Variants in DIPK1C observed in about 807,000 individuals in gnomAD.
DIPK1C encodes the protein familial non-conventional Alzheimer's dementia.
In DIPK1C, 33 loss-of-function variants were observed where a neutral mutation model predicts 28.0. The observed-to-expected ratio is 1.18, with a 90% CI of 0.89 to 1.58. The LOEUF is 1.58. DIPK1C is among the 40% of genes most tolerant of loss of function. DIPK1C has a pLI of 0.00. For missense variants in DIPK1C, 569 were observed against 568.5 expected (o/e 1.00, Z -0.01); for synonymous variants, 255 against 248.8 (o/e 1.02, Z -0.23).
rs1245710740 is a variant in DIPK1C, at chr18:74,442,572, G to A, written c.877-456C>T. On this transcript the variant is annotated intron_variant, in intron 2 of 3. Coordinates refer to ENST00000343998, the MANE Select transcript of DIPK1C (RefSeq NM_001044369.3). Reference sequence around the variant, plus strand: ...TCTCGATCTCCTGACCTCCTGATCTGCCCGCCTCGGCCTCCCAAAGTGCTG... The same window carrying A: ...TCTCGATCTCCTGACCTCCTGATCTACCCGCCTCGGCCTCCCAAAGTGCTG... Among the ~76,000 whole-genome samples, 132 of 152,244 alleles carry A rather than the reference G, an allele frequency of 8.7e-4. 1 individual carries two copies. The highest frequency in any genetic ancestry group is 1.4e-3 in the Non-Finnish European group (98 of 68,010).
At chr18:74,443,500 T>C (rs1056582278) in intron 2 of DIPK1C, among the ~76,000 whole-genome samples, 4 of 152,198 alleles carry the variant, frequency 2.6e-5, no homozygotes, top group Admixed American at 2.6e-4. Context: ...ACCTTTTGGT[T>C]TTGGTTTTAG....
rs370525557 is a variant in DIPK1C at position 74,445,853 on chromosome 18, C to T, written c.876+753G>A. ...TGGATGGTCCCAGCGACTGGCACAG[C>T]GTGAGGGCACTGGGATGATCGCAGC... On this transcript the variant is annotated intron_variant, in intron 2 of 3. Coordinates refer to ENST00000343998, the MANE Select transcript of DIPK1C (RefSeq NM_001044369.3). Among the ~76,000 whole-genome samples, 15 of 152,330 alleles carry T rather than the reference C, an allele frequency of 9.8e-5. No individual in the cohort carries two copies. The East Asian group carries it at 1.4e-3, about 14-fold the overall frequency.
chr18:74,450,327 T>C (rs181009993), intron 1 of DIPK1C, among the ~76,000 whole-genome samples: 1 of 152,342 alleles, frequency 6.6e-6, no homozygotes, highest in African/African-American at 2.4e-5. Flanking sequence ...ATATCTAATT[T>C]AATCAAAAGT....
At chr18:74,457,751 A>G (rs1986552885), upstream of DIPK1C, 1 of 122,950 alleles carries the variant, frequency 8.1e-6, no homozygotes, top group Admixed American at 7.8e-5. Flanking sequence ...CTCCACTAGA[A>G]CCGCCCCCCT....
intron 3 of DIPK1C, 31 bp downstream of exon 3, chr18:74,441,921 C>G: frequency 6.2e-7 from 1 of 1,602,950 alleles, no homozygotes; most frequent in Non-Finnish European, 8.5e-7. Context: ...AGAGCACCCT[C>G]TCCTCCCCCA....
At chr18:74,457,343 G>A (rs533057697), upstream of DIPK1C, 45 of 940,386 alleles carry the variant, frequency 4.8e-5, no homozygotes, top group South Asian at 1.4e-3. Context: ...GCTCAGGCCC[G>A]CTCGGCGGGG....
At chr18:74,462,290 C>G (rs1044879739), upstream of DIPK1C, among the ~76,000 whole-genome samples, 1 of 152,224 alleles carries the variant, frequency 6.6e-6, no homozygotes, top group Non-Finnish European at 1.5e-5. Context: ...TAATCAGTCT[C>G]TACAGCTGGG....
intron 1 of DIPK1C, among the ~76,000 whole-genome samples, chr18:74,448,790 C>G (rs1288000398): frequency 6.6e-6 from 1 of 152,076 alleles, no homozygotes; most frequent in Non-Finnish European, 1.5e-5. Context: ...AAAAGCTGGA[C>G]CTCCAGTGTC....
At position 74,446,846 on chromosome 18, in the gene DIPK1C, C is replaced by A; in HGVS notation, c.636G>T (p.Val212=). The A allele has an allele frequency of 1.3e-6, 2 of 1,506,298 alleles. No homozygotes were observed. Among genetic ancestry groups the A allele is most frequent in the South Asian group, 1.3e-5 (1 of 78,212 alleles). 93.3% of individuals were successfully genotyped at this position (1,506,298 alleles called of 1,614,324 possible). A position where few individuals can be genotyped will look rare whatever the true frequency, so the allele number is the denominator to read the frequency against. ...CGTAGAAGTGGCCGCAGGAACCCAGCACGGGCAGCACGTGTGGGCTCAGGT... is the reference window on the plus strand; with the variant it reads ...CGTAGAAGTGGCCGCAGGAACCCAGAACGGGCAGCACGTGTGGGCTCAGGT... ...LQDLSPHVLP[V]LGSCGHFYAV... is the part of the protein sequence containing the mutation. Residue 212 remains valine (V), a synonymous_variant, in exon 2 of 4, where the codon GTG becomes GTT. Coordinates refer to ENST00000343998, the MANE Select transcript of DIPK1C (RefSeq NM_001044369.3).
intron 3 of DIPK1C, among the ~76,000 whole-genome samples, chr18:74,438,264 C>T (rs1019698611): frequency 6.6e-6 from 1 of 152,156 alleles, no homozygotes; most frequent in Non-Finnish European, 1.5e-5. Flanking sequence ...GTGCGTGTGT[C>T]GTAAGTTATT....
Position 74,436,662 on chromosome 18 carries a change from CCGCAGAG to C in DIPK1C, c.1092_1098del (p.Ser364ArgfsTer46). 1 of 1,614,050 alleles carries C rather than the reference CCGCAGAG, an allele frequency of 6.2e-7. No homozygotes were observed. Among genetic ancestry groups the C allele is most frequent in the African/African-American group, 1.3e-5 (1 of 75,046 alleles). On this transcript the variant is annotated frameshift_variant, in exon 4 of 4. Coordinates refer to ENST00000343998, the MANE Select transcript of DIPK1C (RefSeq NM_001044369.3). LOFTEE classifies it low-confidence loss of function (END_TRUNC). ...AACTGCAGCTGAAGCTGGAAAGAGA[CCGCAGAG>C]CTCTTGAGAGGCGCGGAAAACCAAT...
At position 74,447,097 on chromosome 18, in the gene DIPK1C, T is replaced by C. The variant is rs977428090; in HGVS notation, c.385A>G (p.Ser129Gly). The change falls in exon 2 of 4, where the codon AGC (serine) becomes GGC (glycine). Residue 129 changes from serine to glycine, a missense_variant. Physicochemically the swap from Ser to Gly is moderately conservative, Grantham distance 56. Coordinates refer to ENST00000343998, the MANE Select transcript of DIPK1C (RefSeq NM_001044369.3). The surrounding 1 kb of genome is among the most constrained non-coding windows in gnomAD (Gnocchi z 4.1). ...EEAFSSFPPLSLLEEEAGEGG... is the reference protein window; with the variant it reads ...EEAFSSFPPLGLLEEEAGEGG... Reference sequence around the variant, plus strand: ...TCCCCTGCCTCCTCTTCCAACAGGCTGAGGGGCGGGAAGCTGGAGAAGGCC... The same window carrying C: ...TCCCCTGCCTCCTCTTCCAACAGGCCGAGGGGCGGGAAGCTGGAGAAGGCC... 6.4e-7 allele frequency: 1 copy of C among 1,550,498 alleles called. No homozygotes were observed. The highest frequency in any genetic ancestry group is 8.7e-7 in the Non-Finnish European group (1 of 1,146,954).
Position 74,446,973 on chromosome 18 carries a change from G to C in DIPK1C, c.509C>G (p.Pro170Arg). The C allele has an allele frequency of 1.3e-6, 2 of 1,512,914 alleles. No homozygotes were observed. Among genetic ancestry groups the C allele is most frequent in the South Asian group, 2.5e-5 (2 of 78,932 alleles). The allele number at this position is 1,512,914 out of a possible 1,614,324, so 93.7% of individuals were successfully genotyped here. Reference sequence around the variant, plus strand: ...TGGGCCCCGCCTGCCCGGCCACCACGGCCCCAGGCTGCTGTTGGACAACTC... The same window carrying C: ...TGGGCCCCGCCTGCCCGGCCACCACCGCCCCAGGCTGCTGTTGGACAACTC... The part of the protein sequence containing the change: ...GLELSNSSLG[P>R]WWPGRRGPRW... Residue 170 changes from proline (P) to arginine (R), a missense_variant, in exon 2 of 4, where the codon CCG becomes CGG. Transcript: ENST00000343998.
rs11659300 is a variant in DIPK1C at position 74,455,565 on chromosome 18, C to T, written c.198+1497G>A. Among the ~76,000 whole-genome samples the T allele has an allele frequency of 5.2e-3, 796 of 151,998 alleles. 1 individual carries two copies. The highest frequency in any genetic ancestry group is 8.4e-3 in the Non-Finnish European group (572 of 67,976). ...TAGCACTTTGGAAGGCCGAAGTGGG[C>T]GGATCGCCTGAGGTTGGGAGTTCGA... is the stretch of plus-strand genomic sequence containing the variant. On this transcript the variant is annotated intron_variant, in intron 1 of 3. Transcript: ENST00000343998.
In DIPK1C at chr18:74,441,979, T is replaced by C. The variant is rs1337414974; in HGVS notation, c.1014A>G (p.Gly338=). The C allele has an allele frequency of 6.2e-7, 1 of 1,613,996 alleles. No homozygotes were observed. Among genetic ancestry groups the C allele is most frequent in the Non-Finnish European group, 8.5e-7 (1 of 1,179,984 alleles). Residue 338 remains glycine (G), a synonymous_variant, in exon 3 of 4, where the codon GGA becomes GGG. Transcript: ENST00000343998. ...SRCDLRVNKC[G]AQRVNNNLQV... ...GCAGGTTGTTGTTTACGCGCTGCGCTCCGCATTTGTTGACTCGTAAATCAC... is the reference window on the plus strand; with the variant it reads ...GCAGGTTGTTGTTTACGCGCTGCGCCCCGCATTTGTTGACTCGTAAATCAC...
intron 1 of DIPK1C, among the ~76,000 whole-genome samples, chr18:74,456,681 G>T (rs1986521567): frequency 6.6e-6 from 1 of 152,228 alleles, no homozygotes; most frequent in Non-Finnish European, 1.5e-5. Context: ...CCCGAACCCC[G>T]CACTGGCTTG....
intron 1 of DIPK1C, among the ~76,000 whole-genome samples, chr18:74,456,842 G>C (rs891940462): frequency 2.0e-5 from 3 of 152,216 alleles, no homozygotes; most frequent in African/African-American, 7.2e-5. Flanking sequence ...CTGGCGAAAA[G>C]GGGAGAGACA....
intron 3 of DIPK1C, among the ~76,000 whole-genome samples, chr18:74,439,070 C>CT (rs199873271): frequency 0.024 from 3,676 of 150,832 alleles, 160 homozygotes; most frequent in African/African-American, 0.084. Flanking sequence ...AAATTTGCTC[C>CT]TTTTTTTTGT....
Position 74,457,195 on chromosome 18 carries a change from C to A in DIPK1C, c.65G>T (p.Arg22Leu). The change falls in exon 1 of 4, where the codon CGG becomes CTG. Residue 22 changes from arginine to leucine, a missense_variant. By Grantham distance (102) the Arg-to-Leu change is moderately radical. Coordinates refer to ENST00000343998, the MANE Select transcript of DIPK1C (RefSeq NM_001044369.3). ...GWCRRRGRCG[R>L]GTLLAFAAWT... ...CGCGGCGAAGGCGAGGAGCGTGCCC[C>A]GCCCGCAGCGCCCGCGCCTCCTGCA... 2 of 1,205,726 alleles carry A rather than the reference C, an allele frequency of 1.7e-6. No homozygotes were observed. The highest frequency in any genetic ancestry group is 1.0e-6 in the Non-Finnish European group (1 of 972,694). 74.7% of individuals were successfully genotyped at this position (1,205,726 alleles called of 1,614,324 possible). A position where few individuals can be genotyped will look rare whatever the true frequency, so the allele number is the denominator to read the frequency against.
Sources: gnomAD v4.1 joint callset for allele counts (sites outside exome capture counted in the v4.1 genomes callset) on GRCh38, gnomAD v4.1.1 for gene constraint, Gnocchi (gnomAD v3.1) non-coding constraint, MANE v1.5 for transcripts, NCBI Gene and HGNC (gene_info 2026-07-23, HGNC 2026-07-21) for gene names.